The following TMC4 variants were observed in gnomAD, a reference collection of about 807,000 sequenced individuals.
TMC4 encodes the protein voltage-gated chloride channel TMC4.
Under a neutral mutation model 82.0 loss-of-function variants are expected in TMC4, and 70 were observed. The ratio of observed to expected loss-of-function variants is 0.85; its 90% CI spans 0.70 to 1.04. TMC4 has a LOEUF of 1.04. TMC4 is among the 50% of genes least tolerant of loss of function. The pLI is 0.00. For synonymous variants in TMC4, 446 were observed against 406.0 expected, an observed-to-expected ratio of 1.10 and a Z score of -1.18; for missense variants, 879 against 899.0, an observed-to-expected ratio of 0.98 and a Z score of 0.28.
intron 13 of TMC4, 80 bp downstream of exon 13, chr19:54,160,798 C>G: frequency 6.5e-7 from 1 of 1,549,494 alleles, no homozygotes; most frequent in Non-Finnish European, 8.7e-7. Flanking sequence ...CACGCCCAAG[C>G]CTCTCCTCTC....
In TMC4 at chr19:54,168,629, A is replaced by G; in HGVS notation, c.494T>C (p.Leu165Pro). 3 of 1,592,860 alleles carry G rather than the reference A, an allele frequency of 1.9e-6. No individual in the cohort carries two copies. Among genetic ancestry groups the G allele is most frequent in the Non-Finnish European group, 2.6e-6 (3 of 1,169,910 alleles). Residue 165 changes from leucine to proline, a missense_variant, in exon 4 of 15, where the codon CTC becomes CCC. Coordinates refer to ENST00000619895, the MANE Select transcript of TMC4 (RefSeq NM_144686.4). ...CACAGAGGCCAGCACGTTAAGAAGG[A>G]GCAGGAAGCGCAGCAGGGAGAAGTA... ...ESYFSLLRFLLLLNVLASVLM... is the reference protein window; with the variant it reads ...ESYFSLLRFLPLLNVLASVLM...
At chr19:54,166,323 C>CAAAA (rs58329832) in intron 5 of TMC4, among the ~76,000 whole-genome samples, 2 of 108,014 alleles carry the variant, frequency 1.9e-5, no homozygotes, top group African/African-American at 6.9e-5. Flanking sequence ...AGGTCGCCTC[C>CAAAA]AAAAAAAAAA....
chr19:54,171,169 C>G lies in TMC4; in HGVS notation c.293+701G>C, dbSNP rs914670049. ...TATCACCCAGGCCGGAGTCCAATGGCACGATCTTGGCTCACTGCAACCTCT... is the reference window on the plus strand; with the variant it reads ...TATCACCCAGGCCGGAGTCCAATGGGACGATCTTGGCTCACTGCAACCTCT... On this transcript the variant is annotated intron_variant, in intron 2 of 14. Coordinates refer to ENST00000619895, the MANE Select transcript of TMC4 (RefSeq NM_144686.4). Among the ~76,000 whole-genome samples, 12 of 68,516 alleles carry G rather than the reference C, an allele frequency of 1.8e-4. No homozygotes were observed. The South Asian group carries it at 4.5e-3, about 26-fold the overall frequency. 44.9% of individuals were successfully genotyped at this position (68,516 alleles called of 152,430 possible). A position where few individuals can be genotyped will look rare whatever the true frequency, so the allele number is the denominator to read the frequency against.
rs992528250 is a variant in TMC4 at position 54,166,662 on chromosome 19, C to T, written c.798-1096G>A. Among the ~76,000 whole-genome samples, 10 of 151,826 alleles carry T rather than the reference C, an allele frequency of 6.6e-5. No individual in the cohort carries two copies. The South Asian group carries it at 1.2e-3, about 19-fold the overall frequency. On this transcript the variant is annotated intron_variant, in intron 5 of 14. Transcript: ENST00000619895. Reference sequence around the variant, plus strand: ...CAGGGCTTTTCCCTTCTCTTAAAATCGAGGCTCTTTGCCGGGCGTGGTGGC... The same window carrying T: ...CAGGGCTTTTCCCTTCTCTTAAAATTGAGGCTCTTTGCCGGGCGTGGTGGC...
chr19:54,169,576 C>A lies in TMC4; in HGVS notation c.378G>T (p.Lys126Asn). 6.2e-7 allele frequency: 1 copy of A among 1,613,996 alleles called. No individual in the cohort carries two copies. The highest frequency in any genetic ancestry group is 1.1e-5 in the South Asian group (1 of 91,078). The part of the protein sequence containing the change: ...DRWARLLRRS[K>N]EKTKEGLRSL... ...TTCGCAAGCCTTCCTTTGTTTTCTC[C>A]TTGGACCTCCGAAGTAGCCGCGCCC... Residue 126 changes from lysine (K) to asparagine (N), a missense_variant, in exon 3 of 15, where the codon AAG (lysine) becomes AAT (asparagine). Physicochemically the swap from Lys to Asn is moderately conservative, Grantham distance 94. Transcript: ENST00000619895.
At chr19:54,171,802 C>T (rs996776117) in intron 2 of TMC4, 68 bp downstream of exon 2, 1 of 1,417,066 alleles carries the variant, frequency 7.1e-7, no homozygotes. Flanking sequence ...GGGAGGAGAC[C>T]GAGTCCAGGG....
chr19:54,160,387 G>C lies in TMC4; in HGVS notation c.2053-13C>G. On this transcript the variant is annotated splice_polypyrimidine_tract_variant and intron_variant, in intron 14 of 14. Transcript: ENST00000619895. ...TATTCTGCGCCTCCTGGGGCAAAGA[G>C]AGGTGGAGGTGAGACAATCCTCTTC... The C allele has an allele frequency of 6.4e-7, 1 of 1,558,712 alleles. No homozygotes were observed. The highest frequency in any genetic ancestry group is 1.2e-5 in the South Asian group (1 of 85,432).
intron 9 of TMC4, 63 bp from the exon 10 acceptor site, chr19:54,162,833 C>T: frequency 2.0e-6 from 3 of 1,536,136 alleles, no homozygotes; most frequent in Non-Finnish European, 2.7e-6. Flanking sequence ...GCCCACGCGT[C>T]CGAGTCTCCA....
At chr19:54,166,344 A>G (rs890529732) in intron 5 of TMC4, among the ~76,000 whole-genome samples, 4 of 143,196 alleles carry the variant, frequency 2.8e-5, no homozygotes, top group African/African-American at 1.0e-4. Context: ...AAAAAAAAAA[A>G]AAGACCCAGA....
chr19:54,163,977 C>CATT, intron 7 of TMC4, 90 bp from the exon 8 acceptor site: 3 of 1,019,350 alleles, frequency 2.9e-6, no homozygotes, highest in Non-Finnish European at 2.7e-6. Context: ...TCTTCTTCTT[C>CATT]TTTTTTTTTT....
At chr19:54,170,429 C>A (rs1414830144) in intron 2 of TMC4, among the ~76,000 whole-genome samples, 1 of 151,936 alleles carries the variant, frequency 6.6e-6, no homozygotes, top group Non-Finnish European at 1.5e-5. Flanking sequence ...TGCTGTCATG[C>A]CGTGTCACTT....
In TMC4 at chr19:54,165,489, G is replaced by T. The variant is rs1344963665; in HGVS notation, c.875C>A (p.Ala292Asp). 3 of 1,613,068 alleles carry T rather than the reference G, an allele frequency of 1.9e-6. No homozygotes were observed. The highest frequency in any genetic ancestry group is 1.7e-5 in the Admixed American group (1 of 59,966). Residue 292 changes from alanine to aspartate, a missense_variant, in exon 6 of 15, where the codon GCC (alanine) becomes GAC (aspartate). Physicochemically the swap from Ala to Asp is moderately radical, Grantham distance 126 (BLOSUM62 -2). Transcript: ENST00000619895. ...GTCCCCGCAGAGACCGAAGTCCCAG[G>T]CCGAGAACACCCGGTGGCTGTAGCT... ...LTSYSHRVFS[A>D]WDFGLCGDVH... is the part of the protein sequence containing the mutation.
Position 54,169,584 on chromosome 19 carries a change from T to C in TMC4, c.370A>G (p.Arg124Gly), listed in dbSNP as rs2075833380. 6.2e-7 allele frequency: 1 copy of C among 1,613,784 alleles called. No individual in the cohort carries two copies. Among genetic ancestry groups the C allele is most frequent in the Non-Finnish European group, 8.5e-7 (1 of 1,180,024 alleles). ...KTDRWARLLRRSKEKTKEGLR... is the reference protein window; with the variant it reads ...KTDRWARLLRGSKEKTKEGLR... ...CCTTCCTTTGTTTTCTCCTTGGACC[T>C]CCGAAGTAGCCGCGCCCATCGGTCC... The change falls in exon 3 of 15, where the codon AGG (arginine) becomes GGG (glycine). Residue 124 changes from arginine to glycine, a missense_variant. By Grantham distance (125) the Arg-to-Gly change is moderately radical (BLOSUM62 -2). Transcript: ENST00000619895.
chr19:54,166,385 G>A (rs530012185), intron 5 of TMC4, among the ~76,000 whole-genome samples: 1 of 151,334 alleles, frequency 6.6e-6, no homozygotes, highest in African/African-American at 2.4e-5. Context: ...ACTCAAGAGA[G>A]GGGGGCAAAG....
chr19:54,163,102 C>G lies in TMC4; in HGVS notation c.1335G>C (p.Gln445His), dbSNP rs2075608082. 1 of 1,613,752 alleles carries G rather than the reference C, an allele frequency of 6.2e-7. No homozygotes were observed. Among genetic ancestry groups the G allele is most frequent in the African/African-American group, 1.3e-5 (1 of 74,804 alleles). ...CCTCGGAGTCGCCCCCACAAGTGAT[C>G]TGATTCCAGAGAGAGAAGAGCAGGA... Reference protein sequence around the residue: ...LVVLLFSLWNQITCGGDSEAE... With the variant: ...LVVLLFSLWNHITCGGDSEAE... The change falls in exon 9 of 15, where the codon CAG becomes CAC. Residue 445 changes from glutamine to histidine, a missense_variant. By Grantham distance (24) the Gln-to-His change is conservative. Transcript: ENST00000619895.
chr19:54,173,065 C>T lies in TMC4; in HGVS notation c.53G>A (p.Trp18Ter), dbSNP rs2075953377. 1 of 1,613,566 alleles carries T rather than the reference C, an allele frequency of 6.2e-7. No homozygotes were observed. Among genetic ancestry groups the T allele is most frequent in the Non-Finnish European group, 8.5e-7 (1 of 1,179,768 alleles). Residue 18 changes from tryptophan to a stop codon, truncating the protein, a stop_gained, in exon 1 of 15, where the codon TGG (tryptophan) becomes TAG (stop). Coordinates refer to ENST00000619895, the MANE Select transcript of TMC4 (RefSeq NM_144686.4). LOFTEE classifies it high-confidence loss of function. ...ESEAWGSSRE[W>*]LAPREARGGP... ...TCCTCTGGCCTCCCGGGGGGCCAGC[C>T]ACTCCCTAGAGGAGCCCCAGGCTTC...
chr19:54,172,139 C>G, intron 1 of TMC4, 56 bp from the exon 2 acceptor site: 1 of 1,440,334 alleles, frequency 6.9e-7, no homozygotes, highest in South Asian at 1.5e-5. Context: ...AATTCCTCCT[C>G]CCTCAGACCA....
rs115904006 is a variant in TMC4, at chr19:54,169,609, C to G, written c.345G>C (p.Thr115=). The change falls in exon 3 of 15, where the codon ACG becomes ACC. Residue 115 remains threonine, a synonymous_variant. Transcript: ENST00000619895. The stretch of plus-strand genomic sequence containing the variant: ...TCCGAAGTAGCCGCGCCCATCGGTC[C>G]GTCTTAGTTCCAGAGCCATAGACCA... ...DQVVYGSGTK[T]DRWARLLRRS... is the part of the protein sequence containing the mutation. The G allele has an allele frequency of 2.5e-5, 40 of 1,614,012 alleles. 1 individual carries two copies. In the East Asian group the frequency reaches 8.2e-4, roughly 33 times the overall value.
intron 5 of TMC4, among the ~76,000 whole-genome samples, chr19:54,167,373 C>T (rs2075729841): frequency 2.6e-5 from 4 of 151,840 alleles, no homozygotes; most frequent in Admixed American, 2.6e-4. Context: ...GCCTGGCCAA[C>T]ATGGCGATAC....
Sources: allele counts gnomAD v4.1 joint callset (sites outside exome capture counted in the v4.1 genomes callset), GRCh38; gene constraint gnomAD v4.1.1; transcripts MANE v1.5; gene names NCBI Gene and HGNC (gene_info 2026-07-23, HGNC 2026-07-21).